Variants in ERBB4 observed in about 807,000 individuals in gnomAD.
ERBB4 encodes receptor tyrosine-protein kinase erbB-4.
In ERBB4, 42 loss-of-function variants were observed where a neutral mutation model predicts 158.0. That is an observed-to-expected ratio of 0.27 (90% CI 0.21 to 0.34). ERBB4 has a LOEUF of 0.34. Among genes scored for constraint, ERBB4 ranks in the 10% least tolerant of loss-of-function variants. The pLI, the probability that ERBB4 is intolerant of heterozygous loss-of-function variation, is 1.00. For synonymous variants in ERBB4, 583 were observed against 558.7 expected (o/e 1.04, Z -0.61); for missense variants, 1,333 against 1,624.1 (o/e 0.82, Z 3.08).
intron 1 of ERBB4, among the ~76,000 whole-genome samples, chr2:212,325,617 T>C (rs1396063227): frequency 6.6e-6 from 1 of 150,516 alleles, no homozygotes; most frequent in Non-Finnish European, 1.5e-5. Context: ...GCATAGGAAG[T>C]TGTAGGCAAT....
At chr2:212,317,696 G>A (rs1463945493) in intron 1 of ERBB4, among the ~76,000 whole-genome samples, 2 of 151,518 alleles carry the variant, frequency 1.3e-5, no homozygotes, top group Non-Finnish European at 1.5e-5. Context: ...ATGCTTTACA[G>A]ATGAAGGACT....
intron 5 of ERBB4, among the ~76,000 whole-genome samples, chr2:211,742,367 C>A (rs918195632): frequency 3.9e-5 from 6 of 152,150 alleles, no homozygotes; most frequent in African/African-American, 1.4e-4. Flanking sequence ...CTTTCACATT[C>A]TACAGGAAAC....
At chr2:212,431,306 TAAAAAAAAAAAAAA>T (rs35419362) in intron 1 of ERBB4, among the ~76,000 whole-genome samples, 1 of 86,886 alleles carries the variant, frequency 1.2e-5, no homozygotes, top group Non-Finnish European at 2.3e-5. Flanking sequence ...CTGCTCATAT[TAAAAAAAAAAAAAA>T]AAAAAAAAAA....
chr2:212,454,337 C>A (rs573754593), intron 1 of ERBB4, among the ~76,000 whole-genome samples: 1 of 152,178 alleles, frequency 6.6e-6, no homozygotes, highest in Non-Finnish European at 1.5e-5. Context: ...AAGACAATTT[C>A]TCTTTCACAC....
At chr2:211,619,771 A>G (rs2069527166) in intron 18 of ERBB4, among the ~76,000 whole-genome samples, 1 of 152,094 alleles carries the variant, frequency 6.6e-6, no homozygotes, top group African/African-American at 2.4e-5. Context: ...ATGTTCTTCA[A>G]GTTCAGATTG....
chr2:211,758,964 C>T (rs2075347087), intron 4 of ERBB4, among the ~76,000 whole-genome samples: 1 of 152,220 alleles, frequency 6.6e-6, no homozygotes. Context: ...ACCATCTCCA[C>T]TTGTGCAATT....
chr2:211,890,382 C>T (rs1390851980), intron 3 of ERBB4, among the ~76,000 whole-genome samples: 1 of 146,568 alleles, frequency 6.8e-6, no homozygotes, highest in South Asian at 2.2e-4. Flanking sequence ...ACTAGGCCTG[C>T]CCTAAAAGAG....
chr2:212,168,105 ATCTC>A (rs1429979233), intron 1 of ERBB4, among the ~76,000 whole-genome samples: 1 of 151,936 alleles, frequency 6.6e-6, no homozygotes, highest in African/African-American at 2.4e-5. Flanking sequence ...TCCCTTTTAA[ATCTC>A]TATTGTTGGA....
intron 1 of ERBB4, among the ~76,000 whole-genome samples, chr2:212,377,929 C>A (rs1210883528): frequency 6.6e-6 from 1 of 151,548 alleles, no homozygotes; most frequent in East Asian, 1.9e-4. Flanking sequence ...TTCTTTATAT[C>A]CTTCTTCTAT....
intron 6 of ERBB4, among the ~76,000 whole-genome samples, 176 bp from the exon 7 acceptor site, chr2:211,722,710 C>T (rs2074143287): frequency 6.6e-6 from 1 of 152,098 alleles, no homozygotes; most frequent in Non-Finnish European, 1.5e-5. Context: ...TTTCCAGTAT[C>T]AGTAAATAGG....
chr2:211,445,821 C>T (rs1300623246), intron 20 of ERBB4, among the ~76,000 whole-genome samples: 1 of 152,082 alleles, frequency 6.6e-6, no homozygotes, highest in Non-Finnish European at 1.5e-5. Flanking sequence ...TTTATTCCTC[C>T]ACCCCCAGAG....
intron 19 of ERBB4, among the ~76,000 whole-genome samples, chr2:211,600,383 A>G (rs1489378219): frequency 1.3e-5 from 2 of 152,188 alleles, no homozygotes; most frequent in African/African-American, 4.8e-5. Flanking sequence ...TCTCAGAAAA[A>G]TGATAAGAAA....
intron 25 of ERBB4, among the ~76,000 whole-genome samples, chr2:211,414,048 A>G (rs190142859): frequency 2.0e-5 from 3 of 152,180 alleles, no homozygotes; most frequent in Non-Finnish European, 4.4e-5. Flanking sequence ...AGGCTTCCTT[A>G]TCTGCACAAA....
At chr2:211,770,078 A>T (rs912421438) in intron 4 of ERBB4, among the ~76,000 whole-genome samples, 1 of 152,228 alleles carries the variant, frequency 6.6e-6, no homozygotes, top group East Asian at 1.9e-4. Flanking sequence ...TTTAACCTCT[A>T]CGCCTAATTC....
chr2:211,847,679 T>C (rs1473185768), intron 3 of ERBB4, among the ~76,000 whole-genome samples: 1 of 152,100 alleles, frequency 6.6e-6, no homozygotes, highest in Non-Finnish European at 1.5e-5. Context: ...TTAGTGTTAG[T>C]GTATTTTATG....
chr2:211,794,770 T>C (rs751850885), intron 3 of ERBB4, among the ~76,000 whole-genome samples: 48 of 151,918 alleles, frequency 3.2e-4, no homozygotes, highest in Non-Finnish European at 5.7e-4. Context: ...ATTATGAACA[T>C]AGGATTTCCT....
intron 1 of ERBB4, among the ~76,000 whole-genome samples, chr2:212,249,422 A>G (rs1310408659): frequency 6.6e-6 from 1 of 151,732 alleles, no homozygotes; most frequent in African/African-American, 2.4e-5. Flanking sequence ...AAAAGGAAAA[A>G]TATCATTCAT....
chr2:211,820,280 T>C (rs2076966069), intron 3 of ERBB4, among the ~76,000 whole-genome samples: 1 of 151,808 alleles, frequency 6.6e-6, no homozygotes, highest in South Asian at 2.1e-4. Context: ...TTGAATGAAA[T>C]AGTGTCTCTT....
At chr2:212,104,606 TAGGAGTTAA>T (rs975991054) in intron 2 of ERBB4, among the ~76,000 whole-genome samples, 1 of 152,086 alleles carries the variant, frequency 6.6e-6, no homozygotes, top group Non-Finnish European at 1.5e-5. Context: ...CTGAGCCACA[TAGGAGTTAA>T]AGACTCTGCC....
Sources: gnomAD v4.1 joint callset for allele counts (sites outside exome capture counted in the v4.1 genomes callset) on GRCh38, gnomAD v4.1.1 for gene constraint, MANE v1.5 for transcripts, NCBI Gene and HGNC (gene_info 2026-07-23, HGNC 2026-07-21) for gene names.